Variants in KIAA1671 observed in about 807,000 individuals in gnomAD.
KIAA1671 encodes uncharacterized protein KIAA1671.
KIAA1671 carries 52 observed loss-of-function variants against 131.2 expected under a neutral mutation model. The observed-to-expected ratio is 0.40, with a 90% CI of 0.32 to 0.50. KIAA1671 has a LOEUF of 0.50. KIAA1671 is among the 20% of genes least tolerant of loss of function. The probability of loss-of-function intolerance (pLI) is 0.73; values close to 1 mark genes in which losing one functional copy is unlikely to be tolerated. For missense variants in KIAA1671, 2,360 were observed against 2,364.2 expected (o/e 1.00, Z 0.04); for synonymous variants, 1,003 against 961.6 (o/e 1.04, Z -0.80).
intron 6 of KIAA1671, among the ~76,000 whole-genome samples, chr22:25,137,930 G>A (rs535690654): frequency 2.6e-5 from 4 of 152,278 alleles, no homozygotes; most frequent in Admixed American, 1.3e-4. Flanking sequence ...AATTAGAACC[G>A]AGGCCTGTTT....
intron 1 of KIAA1671, among the ~76,000 whole-genome samples, chr22:24,992,542 T>C (rs114747024): frequency 1.1e-3 from 163 of 152,124 alleles, no homozygotes; most frequent in African/African-American, 3.9e-3. Flanking sequence ...TGGCCAGGCG[T>C]GGTGGCTCAC....
In KIAA1671 at chr22:25,029,633, C is replaced by T. The variant is rs1436227060; in HGVS notation, c.1541+93C>T. ...GGCTCCATGCTGGGCACTTGTCACC[C>T]CCCCTCAGTTTACCCATAGCCCAAG... On this transcript the variant is annotated intron_variant, in intron 3 of 12. Coordinates refer to ENST00000358431, the MANE Select transcript of KIAA1671 (RefSeq NM_001145206.2). 20 of 913,222 alleles carry T rather than the reference C, an allele frequency of 2.2e-5. No individual in the cohort carries two copies. In the East Asian group the frequency reaches 5.4e-4, roughly 25 times the overall value. The allele number at this position is 913,222 out of a possible 1,614,324, so 56.6% of individuals were successfully genotyped here.
At chr22:25,036,302 A>G (rs906082742) in intron 4 of KIAA1671, among the ~76,000 whole-genome samples, 3 of 151,822 alleles carry the variant, frequency 2.0e-5, no homozygotes, top group African/African-American at 2.4e-5. Context: ...CTGGTCTCGA[A>G]CTCCCGACCT....
intron 6 of KIAA1671, among the ~76,000 whole-genome samples, chr22:25,124,859 C>T (rs1011234932): frequency 6.6e-6 from 1 of 152,110 alleles, no homozygotes; most frequent in African/African-American, 2.4e-5. Context: ...CAGGCTCATA[C>T]GATCCTCCCA....
At chr22:25,065,083 C>T (rs962453757) in intron 6 of KIAA1671, 10 of 152,352 alleles carry the variant, frequency 6.6e-5, no homozygotes, top group African/African-American at 2.4e-4. Flanking sequence ...ACTGCCTGAG[C>T]ATAGGCAGGG....
At chr22:25,027,699 T>C (rs1157513345) in intron 2 of KIAA1671, among the ~76,000 whole-genome samples, 1 of 152,058 alleles carries the variant, frequency 6.6e-6, no homozygotes, top group Non-Finnish European at 1.5e-5. Context: ...TCCTCCAGAG[T>C]GTTGATGCCT....
intron 6 of KIAA1671, among the ~76,000 whole-genome samples, chr22:25,123,200 T>G (rs1601334964): frequency 7.1e-6 from 1 of 140,136 alleles, no homozygotes; most frequent in Middle Eastern, 3.5e-3. Context: ...GTTTTTTTTT[T>G]TTTTTTTTTT....
rs1319882541 is a variant in KIAA1671 at position 25,029,261 on chromosome 22, C to T, written c.1262C>T (p.Ala421Val). 28 of 1,498,366 alleles carry T rather than the reference C, an allele frequency of 1.9e-5. No homozygotes were observed. Among genetic ancestry groups the T allele is most frequent in the African/African-American group, 2.8e-5 (2 of 71,996 alleles). The allele number at this position is 1,498,366 out of a possible 1,614,324, so 92.8% of individuals were successfully genotyped here. Residue 421 changes from alanine (A) to valine (V), a missense_variant, in exon 3 of 13, where the codon GCG (alanine) becomes GTG (valine). Ala to Val is a moderately conservative substitution (Grantham distance 64, BLOSUM62 0). This residue lies in a region of KIAA1671 where 1,185 missense variants were observed against 1,126.2 expected (regional missense o/e 1.05). Coordinates refer to ENST00000358431, the MANE Select transcript of KIAA1671 (RefSeq NM_001145206.2). ...LELAEVKSRV[A>V]DGEAAAGGEW... Reference sequence around the variant, plus strand: ...CTTGCTGAGGTTAAGAGCAGAGTGGCGGATGGGGAGGCCGCGGCAGGGGGA... The same window carrying T: ...CTTGCTGAGGTTAAGAGCAGAGTGGTGGATGGGGAGGCCGCGGCAGGGGGA...
chr22:25,185,514 G>A, intron 11 of KIAA1671: 1 of 183,384 alleles, frequency 5.5e-6, no homozygotes, highest in Non-Finnish European at 1.1e-5. Context: ...CTGGGAAGGT[G>A]GATCAAAGGG....
chr22:25,187,718 C>G (rs1035972876), intron 11 of KIAA1671, among the ~76,000 whole-genome samples: 1 of 152,046 alleles, frequency 6.6e-6, no homozygotes, highest in African/African-American at 2.4e-5. Flanking sequence ...GCCATGTTGC[C>G]CAGGCCGGTC....
At chr22:25,139,524 A>G (rs1932775819) in intron 6 of KIAA1671, among the ~76,000 whole-genome samples, 1 of 152,228 alleles carries the variant, frequency 6.6e-6, no homozygotes. Context: ...TAAGGCTTTA[A>G]TGACACCATC....
At chr22:25,000,190 T>G (rs1924367805) in intron 1 of KIAA1671, among the ~76,000 whole-genome samples, 1 of 69,440 alleles carries the variant, frequency 1.4e-5, no homozygotes. Context: ...GCCTGTTTTT[T>G]TTTTTTTTTT....
intron 6 of KIAA1671, chr22:25,110,039 T>C (rs1317341060): frequency 1.3e-5 from 2 of 152,238 alleles, no homozygotes; most frequent in African/African-American, 4.8e-5. Context: ...GGTGGGAGGA[T>C]CGCTTGAGCC....
intron 6 of KIAA1671, among the ~76,000 whole-genome samples, chr22:25,086,268 G>C (rs1929716741): frequency 6.6e-6 from 1 of 152,208 alleles, no homozygotes; most frequent in Non-Finnish European, 1.5e-5. Context: ...CTTGCACACA[G>C]CAGGTGCTCA....
At chr22:25,050,557 G>A (rs1927480329) in intron 6 of KIAA1671, 2 of 152,232 alleles carry the variant, frequency 1.3e-5, no homozygotes, top group South Asian at 2.1e-4. Context: ...TATGGCCACA[G>A]GCAAGAAACT....
At chr22:25,166,549 TC>T (rs1305512690) in intron 6 of KIAA1671, among the ~76,000 whole-genome samples, 1 of 151,888 alleles carries the variant, frequency 6.6e-6, no homozygotes, top group Non-Finnish European at 1.5e-5. Context: ...CTGAGGGGGA[TC>T]CCCCTCTCTC....
At chr22:24,980,460 C>T (rs1281557441) in intron 1 of KIAA1671, among the ~76,000 whole-genome samples, 1 of 151,442 alleles carries the variant, frequency 6.6e-6, no homozygotes, top group Non-Finnish European at 1.5e-5. Flanking sequence ...TTAGTAGAGA[C>T]GGGGTTTCTC....
At chr22:25,085,783 AAGGG>A (rs201721547) in intron 6 of KIAA1671, among the ~76,000 whole-genome samples, 9,308 of 107,354 alleles carry the variant, frequency 0.087, 551 homozygotes, top group East Asian at 0.41. Flanking sequence ...GGAAGGGAGG[AAGGG>A]AGGGAGGGAG....
chr22:25,146,085 G>T (rs2145968749), intron 6 of KIAA1671, among the ~76,000 whole-genome samples: 1 of 152,344 alleles, frequency 6.6e-6, no homozygotes, highest in South Asian at 2.1e-4. Context: ...GAAATTACCT[G>T]TGCAGAGAGT....
Sources: gnomAD v4.1 joint callset for allele counts (sites outside exome capture counted in the v4.1 genomes callset) on GRCh38, gnomAD v4.1.1 for gene constraint, gnomAD v4.1.1 regional missense constraint, MANE v1.5 for transcripts, NCBI Gene and HGNC (gene_info 2026-07-23, HGNC 2026-07-21) for gene names.